Variants in PAPPA observed in about 807,000 individuals in gnomAD.
PAPPA encodes pappalysin-1.
PAPPA carries 60 observed loss-of-function variants against 164.0 expected under a neutral mutation model. That is an observed-to-expected ratio of 0.37 (90% CI 0.30 to 0.45). The LOEUF (loss-of-function observed/expected upper bound fraction) is 0.45, where lower values mean the gene tolerates loss of function less well. PAPPA is among the 20% of genes least tolerant of loss of function. The pLI, the probability that PAPPA is intolerant of heterozygous loss-of-function variation, is 1.00. For synonymous variants in PAPPA, 875 were observed against 814.1 expected (o/e 1.07, Z -1.27); for missense variants, 1,782 against 2,087.3 (o/e 0.85, Z 2.85).
At chr9:116,209,381 A>C (rs1844279070) in intron 3 of PAPPA, among the ~76,000 whole-genome samples, 1 of 152,178 alleles carries the variant, frequency 6.6e-6, no homozygotes, top group Non-Finnish European at 1.5e-5. Context: ...GAAGACCCTA[A>C]GGATCCTTCT....
At chr9:116,170,665 C>G (rs1004650361) in intron 1 of PAPPA, among the ~76,000 whole-genome samples, 18 of 150,584 alleles carry the variant, frequency 1.2e-4, no homozygotes, top group Admixed American at 7.9e-4. Context: ...TTCCATCCAC[C>G]CTTCCATCAA....
At chr9:116,361,870 C>T (rs774095441) in intron 17 of PAPPA, among the ~76,000 whole-genome samples, 8 of 152,126 alleles carry the variant, frequency 5.3e-5, no homozygotes, top group Non-Finnish European at 8.8e-5. Flanking sequence ...TGGAAGGGGA[C>T]GTCAAGAAGG....
chr9:116,246,083 A>G (rs1041979901), intron 7 of PAPPA, among the ~76,000 whole-genome samples: 2 of 152,208 alleles, frequency 1.3e-5, no homozygotes, highest in Non-Finnish European at 2.9e-5. Context: ...AAAGGCTTTG[A>G]GAAGGTGTTT....
intron 9 of PAPPA, among the ~76,000 whole-genome samples, chr9:116,290,424 C>A (rs1845421838): frequency 6.6e-6 from 1 of 151,306 alleles, no homozygotes; most frequent in African/African-American, 2.4e-5. Context: ...GATCAAAGGG[C>A]AAAATGTCAA....
intron 1 of PAPPA, among the ~76,000 whole-genome samples, chr9:116,177,486 A>G (rs1218381469): frequency 6.6e-6 from 1 of 152,182 alleles, no homozygotes; most frequent in Non-Finnish European, 1.5e-5. Flanking sequence ...TGTTGTACAG[A>G]TGATTCAAAT....
chr9:116,162,065 ACAC>A lies in PAPPA; in HGVS notation c.415+7479_415+7481del, dbSNP rs531923896. Among the ~76,000 whole-genome samples the A allele has an allele frequency of 5.3e-3, 807 of 152,222 alleles. 8 individuals carry two copies. The highest frequency in any genetic ancestry group is 8.2e-3 in the Non-Finnish European group (559 of 68,010). The stretch of plus-strand genomic sequence containing the variant: ...GAGCTCCCCATCCCCTCCTCTCTGT[ACAC>A]TTGCAAACTCAAGTGAAAATGATTA... On this transcript the variant is annotated intron_variant, in intron 1 of 21. Transcript: ENST00000328252.
At chr9:116,186,006 A>G (rs575824415) in intron 1 of PAPPA, among the ~76,000 whole-genome samples, 2 of 152,180 alleles carry the variant, frequency 1.3e-5, no homozygotes, top group Admixed American at 6.5e-5. Context: ...CTGTCTCTCT[A>G]TCTCCTTTAA....
chr9:116,320,482 TC>T lies in PAPPA; in HGVS notation c.3148-10761del, dbSNP rs1372207991. ...GGGAAGAAGAAGCCATCTCTCTGTTTCACACTCTGGCCCTGCACACAGGAAA... is the reference window on the plus strand; with the variant it reads ...GGGAAGAAGAAGCCATCTCTCTGTTTACACTCTGGCCCTGCACACAGGAAA... On this transcript the variant is annotated intron_variant, in intron 10 of 21. Coordinates refer to ENST00000328252, the MANE Select transcript of PAPPA (RefSeq NM_002581.5). Among the ~76,000 whole-genome samples, 6 of 152,330 alleles carry T rather than the reference TC, an allele frequency of 3.9e-5. No individual in the cohort carries two copies. The East Asian group carries it at 1.2e-3, about 29-fold the overall frequency.
chr9:116,247,872 A>G (rs1398744901), intron 7 of PAPPA, among the ~76,000 whole-genome samples: 1 of 152,214 alleles, frequency 6.6e-6, no homozygotes, highest in Non-Finnish European at 1.5e-5. Context: ...TTGCTGTGGA[A>G]CAGCTTTCTT....
At position 116,347,132 on chromosome 9, in the gene PAPPA, C is replaced by T. The variant is rs747221136; in HGVS notation, c.3887C>T (p.Ala1296Val). The T allele has an allele frequency of 3.1e-6, 5 of 1,614,058 alleles. No homozygotes were observed. The African/African-American group carries it at 6.7e-5, about 22-fold the overall frequency. ...CCAGATCACCATCAAGTCTATGCTGCCTCCTTCTCCTGCCCTGAGGGCACC... is the reference window on the plus strand; with the variant it reads ...CCAGATCACCATCAAGTCTATGCTGTCTCCTTCTCCTGCCCTGAGGGCACC... ...SIPDHHQVYA[A>V]SFSCPEGTTF... Residue 1296 changes from alanine to valine, a missense_variant, in exon 15 of 22, where the codon GCC becomes GTC. Coordinates refer to ENST00000328252, the MANE Select transcript of PAPPA (RefSeq NM_002581.5). The surrounding 1 kb of genome is among the most constrained non-coding windows in gnomAD (Gnocchi z 4.5).
chr9:116,367,485 G>C lies in PAPPA; in HGVS notation c.4496-160G>C, dbSNP rs538942325. 4.6e-5 allele frequency among the ~76,000 whole-genome samples: 7 copies of C among 152,322 alleles called. No homozygotes were observed. The South Asian group carries it at 1.2e-3, about 27-fold the overall frequency. On this transcript the variant is annotated intron_variant, in intron 18 of 21. Coordinates refer to ENST00000328252, the MANE Select transcript of PAPPA (RefSeq NM_002581.5). ...GTGAATGGAGTCAGGGAGAACAGAG[G>C]TGGCCCTGCCTGGCTTGCCTTCTCC...
intron 10 of PAPPA, among the ~76,000 whole-genome samples, chr9:116,315,394 G>A (rs1845775711): frequency 6.6e-6 from 1 of 152,190 alleles, no homozygotes; most frequent in Non-Finnish European, 1.5e-5. Context: ...AACTGTTTTT[G>A]TGTGCTTACT....
At chr9:116,358,928 C>T (rs530598425) in intron 17 of PAPPA, among the ~76,000 whole-genome samples, 20 of 152,282 alleles carry the variant, frequency 1.3e-4, no homozygotes, top group South Asian at 4.1e-4. Flanking sequence ...CCTCATCTGA[C>T]GATTACAGAG....
At chr9:116,170,346 T>C (rs568355499) in intron 1 of PAPPA, among the ~76,000 whole-genome samples, 5 of 152,284 alleles carry the variant, frequency 3.3e-5, no homozygotes, top group African/African-American at 1.2e-4. Context: ...GACCTTTTTT[T>C]CCTCTGAGGA....
Position 116,367,841 on chromosome 9 carries a change from T to C in PAPPA, c.4605+87T>C, listed in dbSNP as rs1475539801. On this transcript the variant is annotated intron_variant, in intron 19 of 21. Transcript: ENST00000328252. ...CACTTGCTATGTCCCGGTTCTGAGT[T>C]CATTCTTTCACACATATTACCTCAT... 1.4e-5 allele frequency: 12 copies of C among 875,096 alleles called. No individual in the cohort carries two copies. The African/African-American group carries it at 1.7e-4, about 12-fold the overall frequency. 54.2% of individuals were successfully genotyped at this position (875,096 alleles called of 1,614,324 possible).
chr9:116,278,974 G>A (rs1845235126), intron 9 of PAPPA, among the ~76,000 whole-genome samples: 1 of 152,158 alleles, frequency 6.6e-6, no homozygotes, highest in African/African-American at 2.4e-5. Context: ...AATTGTGACT[G>A]ATGCAAAGGC....
intron 2 of PAPPA, among the ~76,000 whole-genome samples, chr9:116,198,877 T>A (rs1375779978): frequency 6.6e-6 from 1 of 152,246 alleles, no homozygotes; most frequent in Non-Finnish European, 1.5e-5. Context: ...CTCAAGTACC[T>A]TTTATTTTAT....
chr9:116,160,953 G>A (rs1843658506), intron 1 of PAPPA, among the ~76,000 whole-genome samples: 1 of 152,170 alleles, frequency 6.6e-6, no homozygotes. Flanking sequence ...TTAACCACTG[G>A]GGCCTCAGGG....
chr9:116,264,158 A>AC (rs1316212599), intron 7 of PAPPA, among the ~76,000 whole-genome samples: 1 of 152,034 alleles, frequency 6.6e-6, no homozygotes, highest in Non-Finnish European at 1.5e-5. Flanking sequence ...TTTTTTCTCC[A>AC]CCCCACTCCA....
Sources: allele counts gnomAD v4.1 joint callset (sites outside exome capture counted in the v4.1 genomes callset), GRCh38; gene constraint gnomAD v4.1.1; non-coding constraint Gnocchi (gnomAD v3.1); transcripts MANE v1.5; gene names NCBI Gene and HGNC (gene_info 2026-07-23, HGNC 2026-07-21).